Variants in NCALD observed in about 807,000 individuals in gnomAD.
NCALD encodes the protein neurocalcin-delta.
Under a neutral mutation model 18.6 loss-of-function variants are expected in NCALD, and 10 were observed. That is an observed-to-expected ratio of 0.54 (90% CI 0.33 to 0.91). The LOEUF (loss-of-function observed/expected upper bound fraction) is 0.91, where lower values mean the gene tolerates loss of function less well. Among genes scored for constraint, NCALD ranks in the 40% least tolerant of loss-of-function variants. The probability of loss-of-function intolerance (pLI) is 0.03; values close to 1 mark genes in which losing one functional copy is unlikely to be tolerated. For synonymous variants in NCALD, 88 were observed against 87.4 expected, an observed-to-expected ratio of 1.01 and a Z score of -0.04; for missense variants, 184 against 247.6, an observed-to-expected ratio of 0.74 and a Z score of 1.72.
At chr8:101,808,869 A>G (rs1051508890) in intron 4 of NCALD, among the ~76,000 whole-genome samples, 2 of 152,130 alleles carry the variant, frequency 1.3e-5, no homozygotes, top group African/African-American at 2.4e-5. Flanking sequence ...TTGCTTTTCT[A>G]TGGACTTTTA....
At chr8:101,897,814 C>A (rs2131550116) in intron 3 of NCALD, among the ~76,000 whole-genome samples, 1 of 152,292 alleles carries the variant, frequency 6.6e-6, no homozygotes, top group African/African-American at 2.4e-5. Context: ...TGCATCCTCA[C>A]CAGCATTTGA....
intron 4 of NCALD, among the ~76,000 whole-genome samples, chr8:101,824,319 TG>T (rs1813843252): frequency 6.6e-6 from 1 of 152,152 alleles, no homozygotes; most frequent in Non-Finnish European, 1.5e-5. Context: ...TGTCCATAAA[TG>T]AAACATTGTT....
At chr8:102,047,128 C>A (rs548445078) in intron 1 of NCALD, among the ~76,000 whole-genome samples, 1 of 150,666 alleles carries the variant, frequency 6.6e-6, no homozygotes, top group African/African-American at 2.4e-5. Flanking sequence ...CATTGGTGTT[C>A]CTGCAAAAGA....
At chr8:101,901,541 G>A (rs995321777) in intron 3 of NCALD, among the ~76,000 whole-genome samples, 11 of 151,604 alleles carry the variant, frequency 7.3e-5, no homozygotes, top group African/African-American at 2.7e-4. Flanking sequence ...CTTTTTCAAT[G>A]GTTGCTCTCC....
At chr8:102,025,141 G>C (rs552997940) in intron 1 of NCALD, among the ~76,000 whole-genome samples, 4 of 152,244 alleles carry the variant, frequency 2.6e-5, no homozygotes, top group African/African-American at 9.6e-5. Flanking sequence ...TATAGGTTCT[G>C]CTTCCTTCCT....
chr8:101,859,357 C>T (rs988827987), intron 4 of NCALD, among the ~76,000 whole-genome samples: 4 of 152,164 alleles, frequency 2.6e-5, no homozygotes, highest in Admixed American at 6.5e-5. Context: ...GGACTGGTTT[C>T]GTTGCTCCTC....
chr8:101,925,150 A>G (rs572804146), intron 2 of NCALD, among the ~76,000 whole-genome samples: 1 of 152,314 alleles, frequency 6.6e-6, no homozygotes, highest in Admixed American at 6.5e-5. Context: ...CCAGCCAAAA[A>G]CATTATAGAG....
chr8:101,998,588 G>C (rs770003430), intron 2 of NCALD, among the ~76,000 whole-genome samples: 3 of 152,148 alleles, frequency 2.0e-5, no homozygotes, highest in African/African-American at 7.2e-5. Context: ...CTTCTGCTCA[G>C]TGGCCCTTCC....
intron 2 of NCALD, among the ~76,000 whole-genome samples, chr8:101,956,077 C>A (rs59524805): frequency 0.024 from 3,712 of 152,188 alleles, 160 homozygotes; most frequent in African/African-American, 0.08. Context: ...AATATTTGTA[C>A]TATTCTTGAC....
At chr8:101,815,149 C>A (rs778825762) in intron 4 of NCALD, among the ~76,000 whole-genome samples, 36 of 152,006 alleles carry the variant, frequency 2.4e-4, no homozygotes, top group Admixed American at 3.3e-4. Flanking sequence ...GCAAAAGACC[C>A]AGAATAGCCA....
intron 3 of NCALD, among the ~76,000 whole-genome samples, chr8:101,911,396 C>A (rs1353335497): frequency 9.0e-5 from 13 of 144,768 alleles, no homozygotes; most frequent in African/African-American, 2.9e-4. Context: ...CTCACTCTGT[C>A]GCCCAGGTTG....
intron 4 of NCALD, among the ~76,000 whole-genome samples, chr8:101,878,157 T>C (rs1183481209): frequency 6.6e-6 from 1 of 152,228 alleles, no homozygotes; most frequent in Non-Finnish European, 1.5e-5. Flanking sequence ...ATTAATATAA[T>C]GAAGCATTCA....
chr8:101,752,493 C>A (rs112915637), intron 1 of NCALD, among the ~76,000 whole-genome samples: 129 of 152,252 alleles, frequency 8.5e-4, no homozygotes, highest in African/African-American at 3.0e-3. Flanking sequence ...AGAGTGATTT[C>A]CAAACCTGGC....
At chr8:101,877,628 G>T (rs889005185) in intron 4 of NCALD, among the ~76,000 whole-genome samples, 1 of 152,188 alleles carries the variant, frequency 6.6e-6, no homozygotes. Flanking sequence ...TTGCATAAAA[G>T]ATACTATGTA....
intron 3 of NCALD, among the ~76,000 whole-genome samples, chr8:101,889,842 GGAGGAACTATACCCAAAGATTAATTCCA>G (rs1305116336): frequency 1.3e-5 from 2 of 152,270 alleles, no homozygotes; most frequent in African/African-American, 4.8e-5. Flanking sequence ...CAAAAGTAAA[GGAGGAACTATACCCAAAGATTAATTCCA>G]GAGGAATTAA....
intron 3 of NCALD, among the ~76,000 whole-genome samples, chr8:101,909,180 A>G (rs1327843705): frequency 1.3e-5 from 2 of 152,196 alleles, no homozygotes; most frequent in East Asian, 3.9e-4. Flanking sequence ...CACCCATTCT[A>G]TTTTATAGAA....
Position 101,689,223 on chromosome 8 carries a change from T to C in NCALD, c.*86A>G. ...GGGGACGGCATCACCATTGATATTG[T>C]TTGGCAAAAAAAAAAAAAAATTGTT... is the stretch of plus-strand genomic sequence containing the variant. On this transcript the variant is annotated 3_prime_UTR_variant, in exon 4 of 4. Transcript: ENST00000220931. This position sits in a 1 kb window ranked among gnomAD's most constrained non-coding sequence, Gnocchi z 4.4. 1 of 1,265,530 alleles carries C rather than the reference T, an allele frequency of 7.9e-7. No individual in the cohort carries two copies. Among genetic ancestry groups the C allele is most frequent in the Non-Finnish European group, 1.1e-6 (1 of 894,496 alleles). The allele number at this position is 1,265,530 out of a possible 1,614,324, so 78.4% of individuals were successfully genotyped here. A position where few individuals can be genotyped will look rare whatever the true frequency, so the allele number is the denominator to read the frequency against.
At chr8:101,976,044 G>C (rs1167021491) in intron 2 of NCALD, among the ~76,000 whole-genome samples, 1 of 152,062 alleles carries the variant, frequency 6.6e-6, no homozygotes, top group Non-Finnish European at 1.5e-5. Context: ...AGATGCCGTG[G>C]GTTCGCTATA....
At position 101,771,583 on chromosome 8, in the gene NCALD, C is replaced by T. The variant is rs1041793940; in HGVS notation, c.-20+19279G>A. 2.6e-5 allele frequency among the ~76,000 whole-genome samples: 4 copies of T among 152,166 alleles called. No homozygotes were observed. In the East Asian group the frequency reaches 7.7e-4, roughly 29 times the overall value. On this transcript the variant is annotated intron_variant, in intron 1 of 3. Transcript: ENST00000220931. ...GGGCCTACCAGGACATCAACAAATG[C>T]ATCTAATGCCTAAGGAAATTATTAG...
Sources: gnomAD v4.1 joint callset for allele counts (sites outside exome capture counted in the v4.1 genomes callset) on GRCh38, gnomAD v4.1.1 for gene constraint, Gnocchi (gnomAD v3.1) non-coding constraint, MANE v1.5 for transcripts, NCBI Gene and HGNC (gene_info 2026-07-23, HGNC 2026-07-21) for gene names.